LRMDA: variants seen among roughly 807,000 people sequenced by gnomAD.
LRMDA encodes the protein leucine rich melanocyte differentiation associated.
Under a neutral mutation model 29.8 loss-of-function variants are expected in LRMDA, and 18 were observed. The ratio of observed to expected loss-of-function variants is 0.60; its 90% CI spans 0.42 to 0.90. LRMDA has a LOEUF of 0.90. Among genes scored for constraint, LRMDA ranks in the 40% least tolerant of loss-of-function variants. LRMDA has a pLI of 0.00. For missense variants in LRMDA, 273 were observed against 273.9 expected, an observed-to-expected ratio of 1.00 and a Z score of 0.02; for synonymous variants, 125 against 109.4, an observed-to-expected ratio of 1.14 and a Z score of -0.89.
intron 2 of LRMDA, among the ~76,000 whole-genome samples, chr10:75,871,594 G>A (rs1414743641): frequency 2.0e-5 from 3 of 152,048 alleles, no homozygotes; most frequent in African/African-American, 7.2e-5. Flanking sequence ...CTGCTCTCTT[G>A]GGTCATCTCC....
intron 2 of LRMDA, among the ~76,000 whole-genome samples, chr10:75,618,893 C>T (rs935283766): frequency 1.3e-5 from 2 of 151,550 alleles, no homozygotes; most frequent in East Asian, 3.9e-4. Flanking sequence ...AGCAATTCTC[C>T]TGCCTCAGCC....
chr10:76,148,544 C>A (rs1294735933), intron 5 of LRMDA, among the ~76,000 whole-genome samples: 1 of 152,116 alleles, frequency 6.6e-6, no homozygotes, highest in Non-Finnish European at 1.5e-5. Flanking sequence ...ATTGGAAAAG[C>A]ACAGTATTAG....
At chr10:76,441,641 G>T (rs961390658) in intron 6 of LRMDA, among the ~76,000 whole-genome samples, 1 of 152,148 alleles carries the variant, frequency 6.6e-6, no homozygotes, top group African/African-American at 2.4e-5. Flanking sequence ...TGCACAGGGG[G>T]AGTGGCAGCC....
intron 6 of LRMDA, among the ~76,000 whole-genome samples, chr10:76,363,176 A>AGAAAGAAAGAAAGAAAGAAAGAAAGAAG (rs1459442138): frequency 1.8e-4 from 4 of 21,794 alleles, no homozygotes; most frequent in East Asian, 1.2e-3. Flanking sequence ...AAAGAAAGAA[A>AGAAAGAAAGAAAGAAAGAAAGAAAGAAG]GGAGGGAGGG....
chr10:75,935,563 A>G (rs1236916041), intron 2 of LRMDA, among the ~76,000 whole-genome samples: 1 of 152,238 alleles, frequency 6.6e-6, no homozygotes, highest in Admixed American at 6.5e-5. Flanking sequence ...AGATGCAGTC[A>G]GAGGAAAAAA....
intron 2 of LRMDA, among the ~76,000 whole-genome samples, chr10:75,966,960 G>C (rs922128352): frequency 6.6e-6 from 1 of 152,226 alleles, no homozygotes; most frequent in Admixed American, 6.5e-5. Context: ...CCCATAGGAG[G>C]CAAGGCTGTT....
At chr10:76,084,369 T>TG (rs1191484678) in intron 5 of LRMDA, among the ~76,000 whole-genome samples, 1,422 of 57,752 alleles carry the variant, frequency 0.025, 24 homozygotes, top group Non-Finnish European at 0.04. Flanking sequence ...AGCTAATTTT[T>TG]TTTTTTTTTT....
intron 6 of LRMDA, among the ~76,000 whole-genome samples, chr10:76,362,663 C>T (rs563008448): frequency 6.6e-6 from 1 of 152,264 alleles, no homozygotes; most frequent in East Asian, 1.9e-4. Flanking sequence ...TTGAACATTG[C>T]ACCCAAAGGT....
At chr10:76,540,047 G>A (rs898007470) in intron 6 of LRMDA, among the ~76,000 whole-genome samples, 3 of 147,734 alleles carry the variant, frequency 2.0e-5, no homozygotes, top group Admixed American at 6.9e-5. Flanking sequence ...ATACACACAC[G>A]AAGTAGACAC....
chr10:75,478,960 G>A (rs1431291581), intron 2 of LRMDA, among the ~76,000 whole-genome samples: 3 of 152,138 alleles, frequency 2.0e-5, no homozygotes, highest in Non-Finnish European at 1.5e-5. Flanking sequence ...GTAGTTAATT[G>A]TATCTGGACC....
intron 6 of LRMDA, among the ~76,000 whole-genome samples, chr10:76,414,372 A>G (rs1167375122): frequency 6.6e-6 from 1 of 152,208 alleles, no homozygotes; most frequent in African/African-American, 2.4e-5. Flanking sequence ...ACCACAAATT[A>G]TGAAGTTATG....
intron 2 of LRMDA, among the ~76,000 whole-genome samples, chr10:75,805,441 T>G (rs1404571096): frequency 5.3e-5 from 8 of 152,200 alleles, no homozygotes; most frequent in Non-Finnish European, 8.8e-5. Context: ...ATGAGACATA[T>G]GAACAGAACA....
At chr10:76,507,204 CAT>C (rs1491289638) in intron 6 of LRMDA, among the ~76,000 whole-genome samples, 2 of 78,564 alleles carry the variant, frequency 2.5e-5, no homozygotes, top group Non-Finnish European at 4.2e-5. Context: ...CAATGTTGAA[CAT>C]TTTTTTTTTC....
chr10:75,843,091 G>T (rs551977570), intron 2 of LRMDA, among the ~76,000 whole-genome samples: 1 of 152,328 alleles, frequency 6.6e-6, no homozygotes, highest in South Asian at 2.1e-4. Context: ...CTCTTTGAGG[G>T]CAGAAAGCCT....
chr10:76,259,173 G>A (rs1011730656), intron 5 of LRMDA, among the ~76,000 whole-genome samples: 2 of 152,088 alleles, frequency 1.3e-5, no homozygotes, highest in African/African-American at 4.8e-5. Context: ...GGGGTGAGAT[G>A]CTATCTCATT....
chr10:75,784,273 G>A (rs1183117112), intron 2 of LRMDA, among the ~76,000 whole-genome samples: 2 of 152,132 alleles, frequency 1.3e-5, no homozygotes, highest in Non-Finnish European at 2.9e-5. Context: ...TATAAAATGG[G>A]GATAGTAATA....
chr10:75,921,180 A>G (rs1385924177), intron 2 of LRMDA, among the ~76,000 whole-genome samples: 3 of 152,202 alleles, frequency 2.0e-5, no homozygotes, highest in Non-Finnish European at 2.9e-5. Flanking sequence ...TTTAGGTCCA[A>G]TCATTACCTC....
intron 5 of LRMDA, among the ~76,000 whole-genome samples, chr10:76,289,495 C>G (rs1840312615): frequency 6.6e-6 from 1 of 151,774 alleles, no homozygotes; most frequent in Non-Finnish European, 1.5e-5. Flanking sequence ...TTTCCATTAC[C>G]CTATGCAGTA....
At chr10:76,173,785 C>T (rs149013427) in intron 5 of LRMDA, among the ~76,000 whole-genome samples, 8,209 of 152,174 alleles carry the variant, frequency 0.054, 304 homozygotes, top group South Asian at 0.087. Context: ...CTCAGCCTCC[C>T]GAGTAGCTGG....
Sources: allele counts gnomAD v4.1 joint callset (sites outside exome capture counted in the v4.1 genomes callset), GRCh38; gene constraint gnomAD v4.1.1; transcripts MANE v1.5; gene names NCBI Gene and HGNC (gene_info 2026-07-23, HGNC 2026-07-21).